The following SDK1 variants were observed in gnomAD, a reference collection of about 807,000 sequenced individuals.
SDK1 encodes sidekick cell adhesion molecule 1.
SDK1 carries 157 observed loss-of-function variants against 245.5 expected under a neutral mutation model. The observed-to-expected ratio is 0.64, with a 90% confidence interval of 0.56 to 0.73. The LOEUF is 0.73. SDK1 is among the 30% of genes least tolerant of loss of function. SDK1 has a pLI of 0.00. For missense variants in SDK1, 3,583 were observed against 3,002.3 expected (o/e 1.19, Z -4.52); for synonymous variants, 1,647 against 1,278.5 (o/e 1.29, Z -6.15).
chr7:3,313,432 A>G (rs1779595160), intron 1 of SDK1, among the ~76,000 whole-genome samples: 1 of 151,768 alleles, frequency 6.6e-6, no homozygotes, highest in African/African-American at 2.4e-5. Flanking sequence ...AAGGTTGTAG[A>G]TAAAAAACAA....
intron 1 of SDK1, among the ~76,000 whole-genome samples, chr7:3,559,775 ACAAAAAT>A (rs1779693543): frequency 1.4e-5 from 2 of 147,204 alleles, no homozygotes; most frequent in Non-Finnish European, 3.0e-5. Context: ...AAAAAAAAAC[ACAAAAAT>A]CTAAACGGAA....
At chr7:3,372,216 T>C (rs1258151853) in intron 1 of SDK1, among the ~76,000 whole-genome samples, 1 of 152,194 alleles carries the variant, frequency 6.6e-6, no homozygotes, top group Non-Finnish European at 1.5e-5. Flanking sequence ...TGCGAAGTCT[T>C]ACAGCTTCCT....
At chr7:3,655,049 C>CTTTTTTTTTTTTT in intron 4 of SDK1, among the ~76,000 whole-genome samples, 1 of 144,308 alleles carries the variant, frequency 6.9e-6, no homozygotes, top group Non-Finnish European at 1.5e-5. Flanking sequence ...TCATAGCTTG[C>CTTTTTTTTTTTTT]TTTTTTTTTT....
At chr7:3,752,527 T>G (rs775568383) in intron 4 of SDK1, among the ~76,000 whole-genome samples, 1 of 152,220 alleles carries the variant, frequency 6.6e-6, no homozygotes, top group Non-Finnish European at 1.5e-5. Context: ...AAAGTGATTT[T>G]CTGTTAAGAA....
intron 1 of SDK1, among the ~76,000 whole-genome samples, chr7:3,594,469 T>C (rs145247657): frequency 2.6e-5 from 4 of 152,336 alleles, no homozygotes; most frequent in African/African-American, 9.6e-5. Flanking sequence ...AGTATATACC[T>C]AAGGATGGAA....
At chr7:3,337,171 C>A (rs560332771) in intron 1 of SDK1, among the ~76,000 whole-genome samples, 1 of 151,994 alleles carries the variant, frequency 6.6e-6, no homozygotes, top group Non-Finnish European at 1.5e-5. Context: ...ATTACAAATT[C>A]TTTTGAAACA....
intron 5 of SDK1, among the ~76,000 whole-genome samples, chr7:3,926,389 G>C (rs952937690): frequency 2.0e-5 from 3 of 152,204 alleles, no homozygotes; most frequent in Non-Finnish European, 4.4e-5. Flanking sequence ...TTGTCTATCA[G>C]CTGTTACATT....
intron 4 of SDK1, among the ~76,000 whole-genome samples, chr7:3,664,627 C>G (rs187168436): frequency 2.0e-5 from 3 of 151,812 alleles, no homozygotes; most frequent in African/African-American, 7.3e-5. Context: ...GTAATCCCAG[C>G]TGCTTGGAAG....
At chr7:4,214,320 A>G (rs1332058322) in intron 38 of SDK1, among the ~76,000 whole-genome samples, 1 of 152,222 alleles carries the variant, frequency 6.6e-6, no homozygotes. Context: ...CTGGCTGCAC[A>G]GCCGAGTAGG....
chr7:3,578,619 C>G (rs1780380852), intron 1 of SDK1, among the ~76,000 whole-genome samples: 1 of 151,742 alleles, frequency 6.6e-6, no homozygotes, highest in Non-Finnish European at 1.5e-5. Flanking sequence ...GTTTATAGAC[C>G]ACCCCCCAGG....
intron 4 of SDK1, among the ~76,000 whole-genome samples, chr7:3,794,533 G>T (rs939718272): frequency 6.6e-6 from 1 of 152,120 alleles, no homozygotes; most frequent in African/African-American, 2.4e-5. Flanking sequence ...TGGGTTCATG[G>T]ATTAATGGTT....
intron 28 of SDK1, among the ~76,000 whole-genome samples, chr7:4,141,142 T>C (rs1779559572): frequency 6.6e-6 from 1 of 152,036 alleles, no homozygotes; most frequent in African/African-American, 2.4e-5. Context: ...GCAAGTGAGG[T>C]GAGGCCCACG....
chr7:3,881,972 T>C (rs755848507), intron 5 of SDK1, among the ~76,000 whole-genome samples: 2 of 151,962 alleles, frequency 1.3e-5, no homozygotes, highest in Non-Finnish European at 2.9e-5. Context: ...TGAGACTGGG[T>C]AATTTATAAA....
chr7:4,248,965 CACAT>C (rs1412257757), intron 44 of SDK1, among the ~76,000 whole-genome samples: 12 of 152,052 alleles, frequency 7.9e-5, no homozygotes, highest in South Asian at 2.1e-4. Context: ...CCTAAATACA[CACAT>C]ACACATATGT....
intron 5 of SDK1, among the ~76,000 whole-genome samples, chr7:3,896,761 TC>T (rs1461986764): frequency 1.4e-4 from 22 of 152,220 alleles, no homozygotes; most frequent in African/African-American, 5.3e-4. Flanking sequence ...TAAATCTGAT[TC>T]CTGTTACTGT....
intron 1 of SDK1, among the ~76,000 whole-genome samples, chr7:3,499,825 G>C (rs1782141546): frequency 6.6e-6 from 1 of 152,170 alleles, no homozygotes. Context: ...GCTTAGCATA[G>C]TCCGAACAAC....
intron 2 of SDK1, among the ~76,000 whole-genome samples, chr7:3,624,284 C>A (rs943797887): frequency 6.6e-6 from 1 of 152,214 alleles, no homozygotes; most frequent in African/African-American, 2.4e-5. Flanking sequence ...ACTTCAGATT[C>A]AGCCTCCTGG....
At chr7:4,190,754 G>C (rs1278444548) in intron 35 of SDK1, among the ~76,000 whole-genome samples, 1 of 152,232 alleles carries the variant, frequency 6.6e-6, no homozygotes, top group Admixed American at 6.5e-5. Context: ...TGCAGCATAC[G>C]CTATCCCGGG....
chr7:3,684,637 G>T (rs1784219743), intron 4 of SDK1, among the ~76,000 whole-genome samples: 1 of 152,100 alleles, frequency 6.6e-6, no homozygotes, highest in African/African-American at 2.4e-5. Context: ...ACTTGAATGA[G>T]AAAAGCCAAT....
Sources: gnomAD v4.1 joint callset for allele counts (sites outside exome capture counted in the v4.1 genomes callset) on GRCh38, gnomAD v4.1.1 for gene constraint, MANE v1.5 for transcripts, NCBI Gene and HGNC (gene_info 2026-07-23, HGNC 2026-07-21) for gene names.